Variants in EPG5 observed in about 807,000 individuals in gnomAD.
EPG5 encodes ectopic P granules protein 5 homolog.
In EPG5, 159 loss-of-function variants were observed where a neutral mutation model predicts 302.7. The ratio of observed to expected loss-of-function variants is 0.53; its 90% CI spans 0.46 to 0.60. The LOEUF (loss-of-function observed/expected upper bound fraction) is 0.60, where lower values mean the gene tolerates loss of function less well. Among genes scored for constraint, EPG5 ranks in the 20% least tolerant of loss-of-function variants. The pLI is 0.00. For synonymous variants in EPG5, 1,158 were observed against 1,136.8 expected (o/e 1.02, Z -0.37); for missense variants, 2,896 against 3,092.4 (o/e 0.94, Z 1.51).
chr18:45,899,229 G>T (rs764531278), intron 27 of EPG5, among the ~76,000 whole-genome samples, 175 bp downstream of exon 27: 9 of 152,044 alleles, frequency 5.9e-5, no homozygotes, highest in Non-Finnish European at 1.2e-4. Flanking sequence ...GGACTCATCT[G>T]GTACCTACAA....
intron 4 of EPG5, 33 bp downstream of exon 4, chr18:45,951,069 C>T: frequency 6.9e-7 from 1 of 1,447,700 alleles, no homozygotes; most frequent in Non-Finnish European, 9.1e-7. Context: ...AGAAATAAAA[C>T]AAAGACTACT....
At chr18:45,886,786 G>A (rs1365699998) in intron 29 of EPG5, among the ~76,000 whole-genome samples, 1 of 152,094 alleles carries the variant, frequency 6.6e-6, no homozygotes, top group African/African-American at 2.4e-5. Context: ...AGTCTCCCAA[G>A]TAGCTGGGAT....
chr18:45,859,189 G>A (rs550005271), intron 40 of EPG5, among the ~76,000 whole-genome samples: 1 of 152,262 alleles, frequency 6.6e-6, no homozygotes, highest in Admixed American at 6.5e-5. Context: ...GCTTTCCGAC[G>A]GGAAACTGTT....
chr18:45,948,816 G>A (rs2050842869), intron 5 of EPG5, among the ~76,000 whole-genome samples: 1 of 152,068 alleles, frequency 6.6e-6, no homozygotes, highest in East Asian at 1.9e-4. Context: ...TGGGATGAAG[G>A]ACACTACTGC....
chr18:45,874,116 G>A (rs4890602), intron 35 of EPG5, among the ~76,000 whole-genome samples: 6 of 152,218 alleles, frequency 3.9e-5, no homozygotes, highest in African/African-American at 7.2e-5. Flanking sequence ...AAAACCCACC[G>A]AATGTGTTTA....
chr18:45,837,615 A>T, the EPG5 span: 1 of 1,509,244 alleles, frequency 6.6e-7, no homozygotes, highest in Non-Finnish European at 8.8e-7. Context: ...CCGCACCGCC[A>T]CTACGACGGG....
chr18:45,928,640 C>A (rs141464188), intron 13 of EPG5, among the ~76,000 whole-genome samples: 1 of 152,148 alleles, frequency 6.6e-6, no homozygotes, highest in Admixed American at 6.5e-5. Context: ...ACGAGGTGGA[C>A]AAGTCAACCT....
At chr18:45,808,384 G>C in the EPG5 span, among the ~76,000 whole-genome samples, 1 of 152,072 alleles carries the variant, frequency 6.6e-6, no homozygotes, top group Non-Finnish European at 1.5e-5. Flanking sequence ...AAAAACACCT[G>C]GGAAATTCAT....
chr18:45,956,468 T>C (rs1318786084), intron 1 of EPG5, among the ~76,000 whole-genome samples: 1 of 152,066 alleles, frequency 6.6e-6, no homozygotes, highest in Non-Finnish European at 1.5e-5. Flanking sequence ...TTTATTTTTT[T>C]TTTTTTGAGA....
chr18:45,818,596 C>A, the EPG5 span, among the ~76,000 whole-genome samples: 1 of 152,082 alleles, frequency 6.6e-6, no homozygotes, highest in African/African-American at 2.4e-5. Flanking sequence ...ATTTTTATTA[C>A]TTTTCTGTGA....
the EPG5 span, among the ~76,000 whole-genome samples, chr18:45,838,166 G>A: frequency 6.6e-6 from 1 of 152,218 alleles, no homozygotes; most frequent in East Asian, 1.9e-4. Flanking sequence ...GTCCCCAGTG[G>A]CTCTCAGACG....
the EPG5 span, chr18:45,837,103 T>C: frequency 4.3e-6 from 7 of 1,612,764 alleles, no homozygotes; most frequent in African/African-American, 9.3e-5. Flanking sequence ...GTGCTTTTAT[T>C]ATTATCACCA....
At chr18:45,956,713 C>T in intron 1 of EPG5, among the ~76,000 whole-genome samples, 1 of 152,090 alleles carries the variant, frequency 6.6e-6, no homozygotes, top group East Asian at 1.9e-4. Context: ...GATTAACAGG[C>T]GTGAGCCACC....
In EPG5 at chr18:45,966,543, T is replaced by C. The variant is rs75239553; in HGVS notation, c.63+634A>G. 7.0e-3 allele frequency among the ~76,000 whole-genome samples: 1,061 copies of C among 152,242 alleles called. 11 individuals are homozygous for C. Among genetic ancestry groups the C allele is most frequent in the African/African-American group, 0.024 (997 of 41,528 alleles). ...ACAAATCAACTTAAAATCACTCTAATACCACATGTAGTCTAATACAGGAAA... is the reference window on the plus strand; with the variant it reads ...ACAAATCAACTTAAAATCACTCTAACACCACATGTAGTCTAATACAGGAAA... On this transcript the variant is annotated intron_variant, in intron 1 of 43. Transcript: ENST00000282041.
chr18:45,926,657 T>C (rs1368666952), intron 13 of EPG5, among the ~76,000 whole-genome samples: 1 of 151,738 alleles, frequency 6.6e-6, no homozygotes, highest in East Asian at 1.9e-4. Context: ...TGAAACCTCG[T>C]CTCTACTAAA....
chr18:45,837,669 C>G, the EPG5 span: 1 of 1,493,450 alleles, frequency 6.7e-7, no homozygotes, highest in Non-Finnish European at 8.8e-7. Flanking sequence ...TATGCGGGCC[C>G]GCAGGTGTTC....
intron 43 of EPG5, among the ~76,000 whole-genome samples, chr18:45,854,147 C>T (rs1359164822): frequency 2.0e-4 from 30 of 152,184 alleles, no homozygotes; most frequent in Admixed American, 2.0e-3. Context: ...ACTGACTTCA[C>T]AACCTGCCCT....
chr18:45,922,392 C>T lies in EPG5; in HGVS notation c.3047G>A (p.Gly1016Asp), dbSNP rs946420837. Residue 1016 changes from glycine (G) to aspartate (D), a missense_variant, in exon 16 of 44, where the codon GGC (glycine) becomes GAC (aspartate). Physicochemically the swap from Gly to Asp is moderately conservative, Grantham distance 94. Around this residue, in one of 5 missense-constraint regions of EPG5, gnomAD observed 1,390 missense variants for 1,430.0 expected, o/e 0.97. Transcript: ENST00000282041. ...FHPLLKAVKA[G>D]MPIGCYLALS... ...GGCTAGATAACAGCCAATGGGCATG[C>T]CCGCTTTCACAGCCTTCAAGAGAGG... 9 of 1,614,064 alleles carry T rather than the reference C, an allele frequency of 5.6e-6. No individual in the cohort carries two copies. In the African/African-American group the frequency reaches 9.3e-5, roughly 17 times the overall value.
chr18:45,924,961 A>C (rs1036847053), intron 14 of EPG5, among the ~76,000 whole-genome samples: 4 of 152,218 alleles, frequency 2.6e-5, no homozygotes, highest in African/African-American at 9.7e-5. Flanking sequence ...CTAAGGCCCA[A>C]AGAGTTTAGG....
Sources: allele counts gnomAD v4.1 joint callset (sites outside exome capture counted in the v4.1 genomes callset), GRCh38; gene constraint gnomAD v4.1.1; regional missense constraint gnomAD v4.1.1; transcripts MANE v1.5; gene names NCBI Gene and HGNC (gene_info 2026-07-23, HGNC 2026-07-21).